Variants in TUT4 observed in about 807,000 individuals in gnomAD.
TUT4 encodes the protein terminal uridylyltransferase 4.
TUT4 carries 36 observed loss-of-function variants against 192.2 expected under a neutral mutation model. That is an observed-to-expected ratio of 0.19 (90% CI 0.14 to 0.25). The LOEUF is 0.25. Ranked by LOEUF, TUT4 falls within the 10% of genes least tolerant of loss-of-function variation. The pLI is 1.00. For missense variants in TUT4, 1,493 were observed against 1,957.2 expected (o/e 0.76, Z 4.47); for synonymous variants, 618 against 666.0 (o/e 0.93, Z 1.11).
In TUT4 at chr1:52,477,400, C is replaced by T. The variant is rs114843239; in HGVS notation, c.2023+308G>A. ...CAGCCTGAGCAACACAGTGAGACCC[C>T]CATCTCTACAAAAAATAAAAAAAAT... On this transcript the variant is annotated intron_variant, in intron 12 of 29. Transcript: ENST00000257177. Among the ~76,000 whole-genome samples the T allele has an allele frequency of 3.6e-3, 540 of 152,076 alleles. 7 individuals carry two copies. The highest frequency in any genetic ancestry group is 0.034 in the South Asian group (163 of 4,800).
chr1:52,428,797 T>C (rs1159952983), intron 28 of TUT4, among the ~76,000 whole-genome samples: 1 of 152,054 alleles, frequency 6.6e-6, no homozygotes, highest in Non-Finnish European at 1.5e-5. Flanking sequence ...CAAAAAACTA[T>C]ATACTTTTTT....
intron 20 of TUT4, among the ~76,000 whole-genome samples, chr1:52,455,090 C>T: frequency 6.6e-6 from 1 of 152,144 alleles, no homozygotes; most frequent in East Asian, 1.9e-4. Context: ...TCGAGACCAA[C>T]CTGGGCAACA....
chr1:52,498,663 T>G (rs916203519), intron 4 of TUT4, among the ~76,000 whole-genome samples: 2 of 151,176 alleles, frequency 1.3e-5, no homozygotes, highest in Non-Finnish European at 2.9e-5. Context: ...AAGGCAGGCG[T>G]ATCACTTAAG....
At chr1:52,527,268 C>T (rs1047654396) in intron 1 of TUT4, among the ~76,000 whole-genome samples, 4 of 152,174 alleles carry the variant, frequency 2.6e-5, no homozygotes, top group Non-Finnish European at 4.4e-5. Flanking sequence ...CCAACAGGGG[C>T]CGGGTGCAAT....
intron 1 of TUT4, among the ~76,000 whole-genome samples, chr1:52,543,948 CA>C (rs1348953376): frequency 1.3e-5 from 2 of 152,022 alleles, no homozygotes; most frequent in Non-Finnish European, 1.5e-5. Context: ...CAAAGAAAAA[CA>C]AAAGTGGAGG....
chr1:52,518,699 A>G (rs1382442622), intron 2 of TUT4, among the ~76,000 whole-genome samples: 1 of 152,216 alleles, frequency 6.6e-6, no homozygotes, highest in Non-Finnish European at 1.5e-5. Flanking sequence ...ACTAAATGAA[A>G]GCCAGACACA....
rs1158088077 is a variant in TUT4 at position 52,531,885 on chromosome 1, C to CTTTTTTT, written c.-93-5519_-93-5513dup. ...AACAGTAGAGACTGTCTTTTCTCAT[C>CTTTTTTT]TTTTTTTTTTTTTTTTTTTTTTTTT... On this transcript the variant is annotated intron_variant, in intron 1 of 29. Coordinates refer to ENST00000257177, the MANE Select transcript of TUT4 (RefSeq NM_001009881.3). Among the ~76,000 whole-genome samples, 6 of 80,806 alleles carry CTTTTTTT rather than the reference C, an allele frequency of 7.4e-5. 1 individual carries two copies. Among genetic ancestry groups the CTTTTTTT allele is most frequent in the Admixed American group, 1.3e-4 (1 of 7,562 alleles). 53.0% of individuals were successfully genotyped at this position (80,806 alleles called of 152,430 possible).
chr1:52,473,811 A>T (rs1666403131), intron 13 of TUT4, among the ~76,000 whole-genome samples: 1 of 152,156 alleles, frequency 6.6e-6, no homozygotes, highest in South Asian at 2.1e-4. Flanking sequence ...AAGTACTGTG[A>T]TTCGGTTAAA....
chr1:52,509,770 G>T, intron 3 of TUT4, 58 bp from the exon 4 acceptor site: 1 of 953,216 alleles, frequency 1.0e-6, no homozygotes, highest in South Asian at 1.4e-5. Context: ...GTAAACTATT[G>T]ACTATATAAG....
intron 20 of TUT4, 77 bp downstream of exon 20, chr1:52,458,259 T>C (rs1661525994): frequency 9.5e-7 from 1 of 1,056,132 alleles, no homozygotes; most frequent in Non-Finnish European, 1.4e-6. Flanking sequence ...CATGATGACA[T>C]GAACCAAGCA....
chr1:52,516,997 A>G (rs958283190), intron 2 of TUT4, among the ~76,000 whole-genome samples: 3 of 152,152 alleles, frequency 2.0e-5, no homozygotes, highest in African/African-American at 7.2e-5. Context: ...GACACTTTTC[A>G]CTTCATATTA....
At chr1:52,509,756 A>C in intron 3 of TUT4, 44 bp from the exon 4 acceptor site, 5 of 1,100,390 alleles carry the variant, frequency 4.5e-6, no homozygotes, top group Non-Finnish European at 7.0e-6. Context: ...CAGAAAACAG[A>C]GGAGTAAACT....
intron 26 of TUT4, among the ~76,000 whole-genome samples, chr1:52,436,043 C>T (rs577406765): frequency 2.6e-5 from 4 of 152,228 alleles, no homozygotes; most frequent in African/African-American, 9.6e-5. Flanking sequence ...TACTATTTAA[C>T]TCTCAAATTC....
chr1:52,434,312 A>G (rs1022786245), intron 27 of TUT4: 7 of 152,178 alleles, frequency 4.6e-5, no homozygotes, highest in Non-Finnish European at 8.8e-5. Context: ...TGCTAGAAAG[A>G]CTTCGGTTTG....
At chr1:52,462,904 A>G (rs1265667498) in intron 16 of TUT4, 3 of 985,268 alleles carry the variant, frequency 3.0e-6, no homozygotes, top group Non-Finnish European at 3.6e-6. Flanking sequence ...CAATCCCAAG[A>G]GTTATAAAGT....
chr1:52,539,938 C>T (rs1342886534), intron 1 of TUT4, among the ~76,000 whole-genome samples: 1 of 148,372 alleles, frequency 6.7e-6, no homozygotes, highest in South Asian at 2.1e-4. Flanking sequence ...ACAGGCCAGG[C>T]GCGGGACTAC....
At chr1:52,449,092 C>G (rs1404924445) in intron 20 of TUT4, among the ~76,000 whole-genome samples, 1 of 152,088 alleles carries the variant, frequency 6.6e-6, no homozygotes, top group South Asian at 2.1e-4. Context: ...CAGACACACA[C>G]ACACACACTC....
chr1:52,473,344 A>G (rs1666271777), intron 13 of TUT4, among the ~76,000 whole-genome samples: 1 of 152,166 alleles, frequency 6.6e-6, no homozygotes, highest in Non-Finnish European at 1.5e-5. Flanking sequence ...AGATCTGTAC[A>G]AAGTAGTTCT....
At chr1:52,491,716 A>C (rs372975188) in intron 7 of TUT4, among the ~76,000 whole-genome samples, 38 of 152,224 alleles carry the variant, frequency 2.5e-4, no homozygotes, top group South Asian at 1.0e-3. Context: ...ACAACAACAA[A>C]AAAAAACCAG....
Sources: allele counts gnomAD v4.1 joint callset (sites outside exome capture counted in the v4.1 genomes callset), GRCh38; gene constraint gnomAD v4.1.1; transcripts MANE v1.5; gene names NCBI Gene and HGNC (gene_info 2026-07-23, HGNC 2026-07-21).